Variants in CENPW observed in about 807,000 individuals in gnomAD.
CENPW encodes centromere protein W.
Under a neutral mutation model 11.1 loss-of-function variants are expected in CENPW, and 3 were observed. The observed-to-expected ratio is 0.27, with a 90% confidence interval of 0.12 to 0.70. The LOEUF (loss-of-function observed/expected upper bound fraction) is 0.70, where lower values mean the gene tolerates loss of function less well. Ranked by LOEUF, CENPW falls within the 30% of genes least tolerant of loss-of-function variation. The pLI, the probability that CENPW is intolerant of heterozygous loss-of-function variation, is 0.77. For synonymous variants in CENPW, 38 were observed against 42.0 expected (o/e 0.91, Z 0.37); for missense variants, 100 against 105.6 (o/e 0.95, Z 0.23).
the CENPW span, among the ~76,000 whole-genome samples, chr6:126,360,895 C>T: frequency 6.7e-6 from 1 of 149,804 alleles, no homozygotes; most frequent in Non-Finnish European, 1.5e-5. Context: ...CATCCAGATT[C>T]TGAATTCTGT....
chr6:126,476,632 C>T, the CENPW span, among the ~76,000 whole-genome samples: 3 of 151,886 alleles, frequency 2.0e-5, no homozygotes, highest in Non-Finnish European at 2.9e-5. Flanking sequence ...AATTCTGATA[C>T]GGGATTGTAA....
chr6:126,466,020 G>C, the CENPW span, among the ~76,000 whole-genome samples: 1 of 152,118 alleles, frequency 6.6e-6, no homozygotes, highest in Non-Finnish European at 1.5e-5. Flanking sequence ...AGGATGTATA[G>C]TGGAAGGTTT....
At chr6:126,387,244 T>C in the CENPW span, among the ~76,000 whole-genome samples, 1 of 151,994 alleles carries the variant, frequency 6.6e-6, no homozygotes, top group South Asian at 2.1e-4. Flanking sequence ...AATCTACATA[T>C]CTGCAGGCCA....
At chr6:126,469,140 T>C in the CENPW span, among the ~76,000 whole-genome samples, 1 of 152,078 alleles carries the variant, frequency 6.6e-6, no homozygotes, top group Non-Finnish European at 1.5e-5. Flanking sequence ...TGGCTCTGTG[T>C]CCCCACCCAA....
At chr6:126,372,588 A>G in the CENPW span, among the ~76,000 whole-genome samples, 1 of 152,186 alleles carries the variant, frequency 6.6e-6, no homozygotes, top group African/African-American at 2.4e-5. Context: ...GACAATATGT[A>G]ATATAGGTGC....
At chr6:126,383,625 A>G in the CENPW span, among the ~76,000 whole-genome samples, 2 of 152,180 alleles carry the variant, frequency 1.3e-5, no homozygotes, top group African/African-American at 4.8e-5. Context: ...AGGGGTTGCA[A>G]TCCTAATTTC....
the CENPW span, among the ~76,000 whole-genome samples, chr6:126,358,954 T>C: frequency 1.3e-5 from 2 of 151,952 alleles, no homozygotes; most frequent in African/African-American, 2.4e-5. Flanking sequence ...TTTCTTCTGC[T>C]TGCTTTGGGG....
At chr6:126,413,351 C>G in the CENPW span, among the ~76,000 whole-genome samples, 1 of 152,056 alleles carries the variant, frequency 6.6e-6, no homozygotes, top group Non-Finnish European at 1.5e-5. Flanking sequence ...AGTATCAATT[C>G]ATATATAAGG....
At chr6:126,435,213 T>C in the CENPW span, among the ~76,000 whole-genome samples, 5 of 152,064 alleles carry the variant, frequency 3.3e-5, no homozygotes, top group East Asian at 7.7e-4. Context: ...TTTTTCCTCT[T>C]TTTAATAGTT....
the CENPW span, among the ~76,000 whole-genome samples, chr6:126,477,606 C>G: frequency 6.6e-6 from 1 of 151,926 alleles, no homozygotes; most frequent in South Asian, 2.1e-4. Context: ...ATGACTTACT[C>G]AATTTTGTGC....
chr6:126,426,210 CAG>C, the CENPW span, among the ~76,000 whole-genome samples: 1 of 152,078 alleles, frequency 6.6e-6, no homozygotes, highest in African/African-American at 2.4e-5. Flanking sequence ...GCTCTGTTAA[CAG>C]AACCTTAAAC....
the CENPW span, among the ~76,000 whole-genome samples, chr6:126,375,585 C>CT: frequency 9.2e-5 from 14 of 151,934 alleles, no homozygotes; most frequent in African/African-American, 1.7e-4. Flanking sequence ...CACATATTGC[C>CT]TTTTTTTTCC....
At chr6:126,342,187 A>C (rs991990505) in intron 1 of CENPW, among the ~76,000 whole-genome samples, 1 of 152,210 alleles carries the variant, frequency 6.6e-6, no homozygotes, top group Non-Finnish European at 1.5e-5. Context: ...AGTTATTGCA[A>C]GGTTAAGTGA....
At chr6:126,463,514 A>T in the CENPW span, among the ~76,000 whole-genome samples, 1 of 152,062 alleles carries the variant, frequency 6.6e-6, no homozygotes, top group Non-Finnish European at 1.5e-5. Context: ...GAGAAAGTCA[A>T]TAAAACCAAA....
chr6:126,439,200 A>G, the CENPW span, among the ~76,000 whole-genome samples: 1 of 151,752 alleles, frequency 6.6e-6, no homozygotes, highest in African/African-American at 2.4e-5. Context: ...TATGGAAGAT[A>G]CATTCTATAG....
At chr6:126,398,825 T>G in the CENPW span, among the ~76,000 whole-genome samples, 1 of 151,152 alleles carries the variant, frequency 6.6e-6, no homozygotes, top group African/African-American at 2.4e-5. Flanking sequence ...TCCTCTAACA[T>G]CTAGTATCCC....
At chr6:126,381,375 G>A in the CENPW span, among the ~76,000 whole-genome samples, 2 of 152,056 alleles carry the variant, frequency 1.3e-5, no homozygotes, top group African/African-American at 2.4e-5. Context: ...TTGATGACTA[G>A]ATATCCCAAA....
the CENPW span, among the ~76,000 whole-genome samples, chr6:126,452,341 C>T: frequency 0.43 from 65,041 of 151,004 alleles, 16,313 homozygotes; most frequent in East Asian, 0.97. Context: ...ATTTAAACAT[C>T]TTATTGTAGA....
At chr6:126,396,068 G>A in the CENPW span, among the ~76,000 whole-genome samples, 1 of 151,940 alleles carries the variant, frequency 6.6e-6, no homozygotes, top group African/African-American at 2.4e-5. Flanking sequence ...AAGAATCTAG[G>A]GCTCTACAAT....
Sources: allele counts gnomAD v4.1 joint callset (sites outside exome capture counted in the v4.1 genomes callset), GRCh38; gene constraint gnomAD v4.1.1; transcripts MANE v1.5; gene names NCBI Gene and HGNC (gene_info 2026-07-23, HGNC 2026-07-21).